IL1RN: variants seen among roughly 807,000 people sequenced by gnomAD.
The protein encoded by IL1RN is interleukin-1 receptor antagonist protein.
IL1RN carries 10 observed loss-of-function variants against 13.7 expected under a neutral mutation model. That is an observed-to-expected ratio of 0.73 (90% CI 0.45 to 1.24). The LOEUF (loss-of-function observed/expected upper bound fraction) is 1.24, where lower values mean the gene tolerates loss of function less well. IL1RN is among the 50% of genes most tolerant of loss of function. The pLI, the probability that IL1RN is intolerant of heterozygous loss-of-function variation, is 0.00. For synonymous variants in IL1RN, 102 were observed against 82.7 expected (o/e 1.23, Z -1.27); for missense variants, 213 against 222.1 (o/e 0.96, Z 0.26).
chr2:113,114,667 T>TTGTGTG (rs149784663), upstream of IL1RN, among the ~76,000 whole-genome samples: 1 of 151,076 alleles, frequency 6.6e-6, no homozygotes, highest in Admixed American at 6.6e-5. Flanking sequence ...GTGTCTGTGT[T>TTGTGTG]TGTGTGTGTG....
chr2:113,107,871 C>T (rs940952009), upstream of IL1RN, among the ~76,000 whole-genome samples: 5 of 152,160 alleles, frequency 3.3e-5, no homozygotes, highest in African/African-American at 7.2e-5. Context: ...GTGTATTCAT[C>T]ACCTCAAGCA....
chr2:113,119,310 T>C (rs1686688725), intron 1 of IL1RN, among the ~76,000 whole-genome samples: 1 of 152,240 alleles, frequency 6.6e-6, no homozygotes, highest in South Asian at 2.1e-4. Flanking sequence ...GAAGGGCTAT[T>C]ATTGCTCACA....
intron 2 of IL1RN, among the ~76,000 whole-genome samples, chr2:113,121,063 C>T (rs935514881): frequency 1.3e-3 from 150 of 119,160 alleles, no homozygotes; most frequent in African/African-American, 2.6e-3. Flanking sequence ...CTTCTTCCTC[C>T]TCCTCCTCCT....
chr2:113,130,820 C>A (rs535640341), intron 2 of IL1RN, among the ~76,000 whole-genome samples: 58 of 149,784 alleles, frequency 3.9e-4, no homozygotes, highest in African/African-American at 1.4e-3. Flanking sequence ...ATGGACATCA[C>A]ATGGAACAAC....
At chr2:113,102,827 A>C (rs58922543), upstream of IL1RN, among the ~76,000 whole-genome samples, 18,068 of 152,118 alleles carry the variant, frequency 0.12, 1,276 homozygotes, top group East Asian at 0.28. Context: ...ACAATGGTGG[A>C]ATGTCATCAG....
upstream of IL1RN, among the ~76,000 whole-genome samples, chr2:113,103,646 A>G (rs1036409951): frequency 3.3e-5 from 5 of 152,156 alleles, no homozygotes; most frequent in South Asian, 2.1e-4. Context: ...AAGAGGATAA[A>G]TTTGTGTTTT....
intron 1 of IL1RN, among the ~76,000 whole-genome samples, chr2:113,128,249 G>A (rs444413): frequency 0.22 from 32,935 of 152,202 alleles, 4,297 homozygotes; most frequent in Admixed American, 0.28. Flanking sequence ...AGATAATAGC[G>A]TAACAGTATT....
chr2:113,129,550 T>C, intron 1 of IL1RN, 26 bp from the exon 2 acceptor site: 1 of 1,482,312 alleles, frequency 6.7e-7, no homozygotes, highest in South Asian at 1.1e-5. Context: ...GGCTGTGCAC[T>C]ACAGCTGAGT....
In IL1RN at chr2:113,132,727, T is replaced by C. The variant is rs315952; in HGVS notation, c.390T>C (p.Ser130=). The change falls in exon 4 of 4, where the codon AGT becomes AGC. Residue 130 remains serine (S), a synonymous_variant. Coordinates refer to ENST00000409930, the MANE Select transcript of IL1RN (RefSeq NM_173842.3). ...GCTTCGCCTTCATCCGCTCAGACAG[T>C]GGCCCCACCACCAGTTTTGAGTCTG... is the stretch of plus-strand genomic sequence containing the variant. ...DKRFAFIRSD[S]GPTTSFESAA... 481,544 of 1,614,016 alleles carry C rather than the reference T, an allele frequency of 0.3. 77,305 individuals are homozygous for C. Among genetic ancestry groups the C allele is most frequent in the East Asian group, 0.62 (27,608 of 44,860 alleles).
intron 1 of IL1RN, among the ~76,000 whole-genome samples, chr2:113,111,541 T>A (rs1363797328): frequency 2.0e-5 from 3 of 152,258 alleles, no homozygotes; most frequent in Non-Finnish European, 4.4e-5. Context: ...TCCATGAGAA[T>A]GGCCCATAGC....
At chr2:113,112,960 A>G (rs1027175709), upstream of IL1RN, 10 of 152,182 alleles carry the variant, frequency 6.6e-5, no homozygotes, top group African/African-American at 2.4e-4. Flanking sequence ...CCCCACCTTG[A>G]TCTAGCTGAC....
At chr2:113,123,323 C>T (rs1234430552), upstream of IL1RN, among the ~76,000 whole-genome samples, 5 of 152,170 alleles carry the variant, frequency 3.3e-5, no homozygotes, top group African/African-American at 1.2e-4. Flanking sequence ...AGCACTGGTG[C>T]CCTTTACTCC....
upstream of IL1RN, among the ~76,000 whole-genome samples, chr2:113,108,766 T>G: frequency 6.6e-6 from 1 of 152,082 alleles, no homozygotes; most frequent in East Asian, 1.9e-4. Context: ...CGTAGAATAA[T>G]CTAAACAAAT....
At chr2:113,108,698 T>G (rs1331743047), upstream of IL1RN, among the ~76,000 whole-genome samples, 1 of 152,180 alleles carries the variant, frequency 6.6e-6, no homozygotes, top group East Asian at 1.9e-4. Context: ...GGCATTATTC[T>G]GCTTACCACA....
At chr2:113,107,196 A>G (rs992591620), upstream of IL1RN, 10 of 152,262 alleles carry the variant, frequency 6.6e-5, no homozygotes, top group African/African-American at 2.2e-4. Context: ...CAGAACTGAT[A>G]AATAGATGAA....
intron 2 of IL1RN, among the ~76,000 whole-genome samples, chr2:113,130,617 C>T (rs1476082234): frequency 1.1e-5 from 1 of 91,766 alleles, no homozygotes; most frequent in Non-Finnish European, 2.1e-5. Context: ...TAGTGTGCAT[C>T]CTGGGGAAAG....
In IL1RN at chr2:113,133,033, C is replaced by T. The variant is rs4252041; in HGVS notation, c.*162C>T. On this transcript the variant is annotated 3_prime_UTR_variant, in exon 4 of 4. Coordinates refer to ENST00000409930, the MANE Select transcript of IL1RN (RefSeq NM_173842.3). ...ACAACCTGGTCACAGGACTCTGCCT[C>T]CTCTTCAACTGACCAGCCTCCATGC... 0.033 allele frequency: 23,593 copies of T among 708,662 alleles called. 534 individuals are homozygous for T. Among genetic ancestry groups the T allele is most frequent in the Middle Eastern group, 0.068 (185 of 2,726 alleles). The allele number at this position is 708,662 out of a possible 1,614,324, so 43.9% of individuals were successfully genotyped here.
At chr2:113,119,929 T>C (rs1686711242) in intron 1 of IL1RN, 5 of 741,400 alleles carry the variant, frequency 6.7e-6, no homozygotes, top group Non-Finnish European at 7.2e-6. Flanking sequence ...GACTGGAAAC[T>C]GGAAGGGTGA....
intron 1 of IL1RN, among the ~76,000 whole-genome samples, chr2:113,129,209 G>A (rs1167571412): frequency 6.6e-6 from 1 of 152,198 alleles, no homozygotes; most frequent in African/African-American, 2.4e-5. Context: ...GTGGTTAGTG[G>A]CCACCCTATT....
Sources: allele counts gnomAD v4.1 joint callset (sites outside exome capture counted in the v4.1 genomes callset), GRCh38; gene constraint gnomAD v4.1.1; transcripts MANE v1.5; gene names NCBI Gene and HGNC (gene_info 2026-07-23, HGNC 2026-07-21).